RAD51B: variants seen among roughly 807,000 people sequenced by gnomAD.
RAD51B encodes DNA repair protein RAD51 homolog 2.
Under a neutral mutation model 42.2 loss-of-function variants are expected in RAD51B, and 38 were observed. The observed-to-expected ratio is 0.90, with a 90% CI of 0.70 to 1.18. RAD51B has a LOEUF of 1.18. Ranked by LOEUF, RAD51B falls within the 50% of genes most tolerant of loss-of-function variation. RAD51B has a pLI of 0.00. For synonymous variants in RAD51B, 154 were observed against 145.2 expected, an observed-to-expected ratio of 1.06 and a Z score of -0.43; for missense variants, 373 against 400.7, an observed-to-expected ratio of 0.93 and a Z score of 0.59.
intron 7 of RAD51B, among the ~76,000 whole-genome samples, chr14:68,102,309 G>T (rs945731502): frequency 6.6e-6 from 1 of 152,198 alleles, no homozygotes; most frequent in Non-Finnish European, 1.5e-5. Flanking sequence ...TCTGTAGTCT[G>T]CTTGAATTTC....
downstream of RAD51B, among the ~76,000 whole-genome samples, chr14:68,481,462 C>A (rs1025916176): frequency 7.2e-5 from 11 of 152,168 alleles, no homozygotes; most frequent in Non-Finnish European, 1.6e-4. Flanking sequence ...TTTGACAAAC[C>A]AATACAGTAC....
chr14:68,101,911 G>A (rs1221049016), intron 7 of RAD51B, among the ~76,000 whole-genome samples: 1 of 152,186 alleles, frequency 6.6e-6, no homozygotes, highest in African/African-American at 2.4e-5. Context: ...TTAGACTTCT[G>A]CCTGGACATC....
intron 8 of RAD51B, among the ~76,000 whole-genome samples, chr14:68,292,192 T>C (rs904120186): frequency 1.3e-5 from 2 of 152,322 alleles, no homozygotes; most frequent in African/African-American, 4.8e-5. Flanking sequence ...GGAGCTCCAT[T>C]TGGAGGCCAG....
At chr14:68,209,509 T>C (rs527920858) in intron 7 of RAD51B, among the ~76,000 whole-genome samples, 1 of 152,334 alleles carries the variant, frequency 6.6e-6, no homozygotes, top group South Asian at 2.1e-4. Flanking sequence ...AGTTTTTCCA[T>C]GAGCATTTTA....
intron 10 of RAD51B, among the ~76,000 whole-genome samples, chr14:68,527,742 TA>T (rs1348799119): frequency 6.6e-6 from 1 of 152,268 alleles, no homozygotes; most frequent in Non-Finnish European, 1.5e-5. Context: ...TAGCTATTTT[TA>T]TTATTAAACA....
intron 7 of RAD51B, among the ~76,000 whole-genome samples, chr14:67,976,509 G>A (rs929985029): frequency 6.6e-6 from 1 of 151,544 alleles, no homozygotes; most frequent in African/African-American, 2.4e-5. Context: ...TGTGCACAAC[G>A]TGCAGGTTTG....
At chr14:68,462,951 C>T (rs2085881667) in intron 9 of RAD51B, among the ~76,000 whole-genome samples, 1 of 152,136 alleles carries the variant, frequency 6.6e-6, no homozygotes, top group Non-Finnish European at 1.5e-5. Context: ...CTTCCAAAGC[C>T]AACTTTCACA....
chr14:68,078,302 C>G (rs762341308), intron 7 of RAD51B, among the ~76,000 whole-genome samples: 7 of 152,214 alleles, frequency 4.6e-5, no homozygotes, highest in Non-Finnish European at 8.8e-5. Flanking sequence ...GTATGCACCA[C>G]TGTGCCTGGC....
chr14:67,982,126 G>A (rs1323472264), intron 7 of RAD51B, among the ~76,000 whole-genome samples: 3 of 152,096 alleles, frequency 2.0e-5, no homozygotes, highest in South Asian at 2.1e-4. Flanking sequence ...GTAGAGACGG[G>A]GTTTCACCAT....
At chr14:68,042,754 G>A (rs1264418754) in intron 7 of RAD51B, among the ~76,000 whole-genome samples, 2 of 152,204 alleles carry the variant, frequency 1.3e-5, no homozygotes, top group East Asian at 1.9e-4. Flanking sequence ...TGGAGGCTCC[G>A]AGGCATGCCA....
At chr14:68,252,671 AAT>A (rs1450091577) in intron 7 of RAD51B, among the ~76,000 whole-genome samples, 1 of 152,246 alleles carries the variant, frequency 6.6e-6, no homozygotes, top group Non-Finnish European at 1.5e-5. Flanking sequence ...AGTCATACTG[AAT>A]ATATACATAC....
At chr14:68,193,974 A>G (rs2140910325) in intron 7 of RAD51B, among the ~76,000 whole-genome samples, 1 of 152,332 alleles carries the variant, frequency 6.6e-6, no homozygotes, top group African/African-American at 2.4e-5. Context: ...GAATTCTGGG[A>G]GAAATGGCCT....
intron 7 of RAD51B, among the ~76,000 whole-genome samples, chr14:68,254,800 T>C (rs544679465): frequency 6.6e-6 from 1 of 152,340 alleles, no homozygotes; most frequent in East Asian, 1.9e-4. Flanking sequence ...AAGGGATCCA[T>C]GATAAACACT....
intron 7 of RAD51B, among the ~76,000 whole-genome samples, chr14:68,217,968 C>G (rs1215461825): frequency 6.6e-6 from 1 of 152,182 alleles, no homozygotes; most frequent in Non-Finnish European, 1.5e-5. Context: ...GAAGTCAGAA[C>G]TATTCCTTAT....
At chr14:68,659,725 C>T (rs768450997) in intron 11 of RAD51B, among the ~76,000 whole-genome samples, 20 of 152,326 alleles carry the variant, frequency 1.3e-4, no homozygotes, top group Admixed American at 2.6e-4. Flanking sequence ...GGAAGCGACA[C>T]ATGGACGGCA....
chr14:67,861,148 A>G (rs979366002), intron 4 of RAD51B, among the ~76,000 whole-genome samples: 5 of 152,130 alleles, frequency 3.3e-5, no homozygotes, highest in Admixed American at 1.3e-4. Flanking sequence ...AGCCGTGATC[A>G]TGGCACTGCA....
chr14:68,440,108 T>C (rs1214693695), intron 9 of RAD51B, among the ~76,000 whole-genome samples: 1 of 152,054 alleles, frequency 6.6e-6, no homozygotes, highest in Non-Finnish European at 1.5e-5. Flanking sequence ...TATAACCCTC[T>C]TCTTTTGGCC....
rs2140254912 is a variant in RAD51B at position 68,477,664 on chromosome 14, G to C, written c.1053G>C (p.Ter351TyrextTer13). 1 of 1,610,608 alleles carries C rather than the reference G, an allele frequency of 6.2e-7. No individual in the cohort carries two copies. Among genetic ancestry groups the C allele is most frequent in the East Asian group, 2.2e-5 (1 of 44,818 alleles). ...TTCCTTTAGGCCAAGAGAAGCCATAGGGATACTGTGACCTTTGTCTAGAGT... is the reference window on the plus strand; with the variant it reads ...TTCCTTTAGGCCAAGAGAAGCCATACGGATACTGTGACCTTTGTCTAGAGT... ...GLVLQGQEKP[*>Y] The change falls in exon 11 of 11, where the codon TAG becomes TAC. Residue 351 changes from the stop codon to tyrosine (Y), a stop_lost. Coordinates refer to ENST00000471583, the MANE Select transcript of RAD51B (RefSeq NM_133510.4).
At chr14:68,368,225 C>G (rs2139938613) in intron 8 of RAD51B, among the ~76,000 whole-genome samples, 1 of 152,098 alleles carries the variant, frequency 6.6e-6, no homozygotes, top group East Asian at 1.9e-4. Context: ...TTAACAGAAA[C>G]CCTGTGAGGC....
Sources: allele counts gnomAD v4.1 joint callset (sites outside exome capture counted in the v4.1 genomes callset), GRCh38; gene constraint gnomAD v4.1.1; transcripts MANE v1.5; gene names NCBI Gene and HGNC (gene_info 2026-07-23, HGNC 2026-07-21).